Variants in SNTB1 observed in about 807,000 individuals in gnomAD.
SNTB1 encodes the protein beta-1-syntrophin.
SNTB1 carries 36 observed loss-of-function variants against 48.9 expected under a neutral mutation model. The observed-to-expected ratio is 0.74, with a 90% CI of 0.56 to 0.97. The LOEUF is 0.97. SNTB1 is among the 50% of genes least tolerant of loss of function. The pLI is 0.00. For missense variants in SNTB1, 786 were observed against 703.4 expected, an observed-to-expected ratio of 1.12 and a Z score of -1.33; for synonymous variants, 299 against 294.6, an observed-to-expected ratio of 1.01 and a Z score of -0.15.
At chr8:120,700,128 T>C (rs2129884179) in intron 1 of SNTB1, among the ~76,000 whole-genome samples, 1 of 151,612 alleles carries the variant, frequency 6.6e-6, no homozygotes, top group East Asian at 2.0e-4. Context: ...CAGGAAGCAA[T>C]ACTGATTCTC....
At chr8:120,697,957 T>A (rs1818239161) in intron 1 of SNTB1, among the ~76,000 whole-genome samples, 1 of 151,954 alleles carries the variant, frequency 6.6e-6, no homozygotes, top group Non-Finnish European at 1.5e-5. Context: ...AGCACAAATA[T>A]ACAAAAAGAT....
At chr8:120,544,168 A>G (rs957564918) in intron 5 of SNTB1, among the ~76,000 whole-genome samples, 5 of 152,176 alleles carry the variant, frequency 3.3e-5, no homozygotes, top group African/African-American at 4.8e-5. Context: ...CTTTTCCCCA[A>G]TGTTTAAATA....
chr8:120,708,443 C>T (rs1818413226), intron 1 of SNTB1, among the ~76,000 whole-genome samples: 1 of 152,046 alleles, frequency 6.6e-6, no homozygotes, highest in South Asian at 2.1e-4. Flanking sequence ...AAGAGTCTCC[C>T]CAAATTATTC....
At chr8:120,797,704 C>T (rs73707126) in intron 1 of SNTB1, among the ~76,000 whole-genome samples, 3,467 of 151,852 alleles carry the variant, frequency 0.023, 122 homozygotes, top group African/African-American at 0.08. Context: ...TGGAGGAAGA[C>T]AAACAGTTCG....
At chr8:120,628,712 C>T (rs1470633909) in intron 3 of SNTB1, among the ~76,000 whole-genome samples, 2 of 151,872 alleles carry the variant, frequency 1.3e-5, no homozygotes, top group Non-Finnish European at 2.9e-5. Flanking sequence ...GCCAACATCA[C>T]ACCACTGCAC....
At chr8:120,592,347 TTTTTTTTTC>T (rs1422128987) in intron 3 of SNTB1, among the ~76,000 whole-genome samples, 3 of 149,554 alleles carry the variant, frequency 2.0e-5, no homozygotes, top group South Asian at 2.1e-4. Context: ...ACCAGGATAA[TTTTTTTTTC>T]TTTTTTTTCT....
intron 3 of SNTB1, 123 bp downstream of exon 3, chr8:120,632,321 T>G (rs1563836355): frequency 5.3e-6 from 5 of 934,816 alleles, no homozygotes; most frequent in Non-Finnish European, 8.1e-6. Flanking sequence ...TGGAGAGGAA[T>G]GAGAAATCCA....
In SNTB1 at chr8:120,541,962, G is replaced by T. The variant is rs1338836477; in HGVS notation, c.1372C>A (p.His458Asn). 6.2e-7 allele frequency: 1 copy of T among 1,613,874 alleles called. No homozygotes were observed. The highest frequency in any genetic ancestry group is 1.7e-5 in the Admixed American group (1 of 59,998). Residue 458 changes from histidine (H) to asparagine (N), a missense_variant, in exon 6 of 7, where the codon CAT (histidine) becomes AAT (asparagine). By Grantham distance (68) the His-to-Asn change is moderately conservative. Transcript: ENST00000517992. ...GTAATAGAAAATCCATTCTCATAAT[G>T]TATGGTCAAACGGCACTCCTGGTTT... ...YKNQECRLTI[H>N]YENGFSITTE... is the part of the protein sequence containing the mutation.
chr8:120,687,984 T>A (rs1156792359), intron 2 of SNTB1, among the ~76,000 whole-genome samples: 1 of 152,212 alleles, frequency 6.6e-6, no homozygotes, highest in Admixed American at 6.5e-5. Context: ...TGTAGCAACA[T>A]ATCCAGGCAT....
intron 1 of SNTB1, among the ~76,000 whole-genome samples, chr8:120,718,548 A>G (rs936817057): frequency 3.3e-5 from 5 of 152,182 alleles, no homozygotes; most frequent in African/African-American, 1.2e-4. Flanking sequence ...ACATATTTAG[A>G]CCTATAGTAT....
chr8:120,693,581 T>C, intron 2 of SNTB1, 111 bp downstream of exon 2: 1 of 859,954 alleles, frequency 1.2e-6, no homozygotes, highest in Non-Finnish European at 1.9e-6. Context: ...TGCTTTTCTT[T>C]GGAAGCCATG....
At chr8:120,730,696 T>C (rs1818835701) in intron 1 of SNTB1, among the ~76,000 whole-genome samples, 1 of 152,230 alleles carries the variant, frequency 6.6e-6, no homozygotes, top group Non-Finnish European at 1.5e-5. Flanking sequence ...TCACTTAATA[T>C]TTTTGAACTT....
intron 2 of SNTB1, among the ~76,000 whole-genome samples, chr8:120,688,690 G>T (rs1818074680): frequency 6.6e-6 from 1 of 152,176 alleles, no homozygotes; most frequent in Non-Finnish European, 1.5e-5. Flanking sequence ...GAAGGCAATT[G>T]TAGGAAGTAT....
chr8:120,798,337 C>A (rs1036956648), intron 1 of SNTB1, among the ~76,000 whole-genome samples: 1 of 152,008 alleles, frequency 6.6e-6, no homozygotes, highest in African/African-American at 2.4e-5. Flanking sequence ...AGGCTGTACA[C>A]CAGTGCCTCT....
At chr8:120,711,147 C>T (rs1435286588) in intron 1 of SNTB1, among the ~76,000 whole-genome samples, 4 of 152,126 alleles carry the variant, frequency 2.6e-5, no homozygotes, top group Admixed American at 2.6e-4. Context: ...AGAGTTTTAA[C>T]AAGCCTGGGA....
At chr8:120,672,405 AAACAAAT>A (rs1205388229) in intron 2 of SNTB1, among the ~76,000 whole-genome samples, 1 of 152,250 alleles carries the variant, frequency 6.6e-6, no homozygotes, top group Non-Finnish European at 1.5e-5. Flanking sequence ...CCAAAGAAAT[AAACAAAT>A]CACATTAAAG....
At chr8:120,638,724 A>C (rs1301498291) in intron 2 of SNTB1, among the ~76,000 whole-genome samples, 1 of 152,200 alleles carries the variant, frequency 6.6e-6, no homozygotes, top group Non-Finnish European at 1.5e-5. Context: ...GTCCCTACAA[A>C]GGACATGAAC....
At chr8:120,801,345 C>T (rs1258883446) in intron 1 of SNTB1, among the ~76,000 whole-genome samples, 3 of 152,066 alleles carry the variant, frequency 2.0e-5, no homozygotes, top group East Asian at 3.9e-4. Flanking sequence ...TTCAGATATC[C>T]GTAATGGCTT....
chr8:120,620,518 C>G (rs1032874048), intron 3 of SNTB1, among the ~76,000 whole-genome samples: 1 of 152,078 alleles, frequency 6.6e-6, no homozygotes, highest in Non-Finnish European at 1.5e-5. Context: ...CATATTCATT[C>G]GATAAGTTCT....
Sources: gnomAD v4.1 joint callset for allele counts (sites outside exome capture counted in the v4.1 genomes callset) on GRCh38, gnomAD v4.1.1 for gene constraint, MANE v1.5 for transcripts, NCBI Gene and HGNC (gene_info 2026-07-23, HGNC 2026-07-21) for gene names.